The following MAF variants were observed in gnomAD, a reference collection of about 807,000 sequenced individuals.
MAF encodes transcription factor Maf.
Under a neutral mutation model 22.0 loss-of-function variants are expected in MAF, and 10 were observed. That is an observed-to-expected ratio of 0.45 (90% CI 0.28 to 0.77). The LOEUF is 0.77. MAF is among the 30% of genes least tolerant of loss of function. The probability of loss-of-function intolerance (pLI) is 0.12; values close to 1 mark genes in which losing one functional copy is unlikely to be tolerated. For missense variants in MAF, 544 were observed against 548.4 expected (o/e 0.99, Z 0.08); for synonymous variants, 337 against 255.8 (o/e 1.32, Z -3.03).
At chr16:79,519,270 C>A in the MAF span, among the ~76,000 whole-genome samples, 3 of 152,252 alleles carry the variant, frequency 2.0e-5, no homozygotes, top group East Asian at 1.9e-4. Context: ...CCTCAGAGAT[C>A]TCTGAAGATA....
At chr16:79,216,901 C>T in the MAF span, among the ~76,000 whole-genome samples, 10 of 152,030 alleles carry the variant, frequency 6.6e-5, no homozygotes, top group East Asian at 1.4e-3. Flanking sequence ...CAGCCACCTC[C>T]GGGGTTCAAG....
At chr16:79,464,056 T>C in the MAF span, among the ~76,000 whole-genome samples, 1 of 152,088 alleles carries the variant, frequency 6.6e-6, no homozygotes, top group South Asian at 2.1e-4. Context: ...GAGCAGATGA[T>C]GCAACTCGAA....
At chr16:79,563,290 A>G in the MAF span, among the ~76,000 whole-genome samples, 1 of 152,220 alleles carries the variant, frequency 6.6e-6, no homozygotes, top group Non-Finnish European at 1.5e-5. Flanking sequence ...GTTACAGAAC[A>G]CTGGCAATGT....
the MAF span, among the ~76,000 whole-genome samples, chr16:79,336,171 GTC>G: frequency 4.1e-4 from 63 of 152,332 alleles, no homozygotes; most frequent in African/African-American, 1.5e-3. Context: ...AGCTTCAGGT[GTC>G]TCATCTAAAA....
chr16:79,244,826 G>C, the MAF span, among the ~76,000 whole-genome samples: 1 of 151,948 alleles, frequency 6.6e-6, no homozygotes, highest in East Asian at 1.9e-4. Flanking sequence ...TATACTACAT[G>C]GCTACAGTAA....
the MAF span, among the ~76,000 whole-genome samples, chr16:79,296,463 T>C: frequency 6.6e-6 from 1 of 152,126 alleles, no homozygotes; most frequent in African/African-American, 2.4e-5. Context: ...CAAACTACCA[T>C]GGCATATGTT....
chr16:79,358,450 G>A, the MAF span, among the ~76,000 whole-genome samples: 2 of 152,124 alleles, frequency 1.3e-5, no homozygotes, highest in African/African-American at 4.8e-5. Context: ...TCATTTGGGA[G>A]AAGGCAGCCC....
chr16:79,223,456 G>C, the MAF span, among the ~76,000 whole-genome samples: 1 of 152,162 alleles, frequency 6.6e-6, no homozygotes, highest in African/African-American at 2.4e-5. Context: ...AAAAGAACTA[G>C]AGAAGCAAGA....
the MAF span, among the ~76,000 whole-genome samples, chr16:79,440,357 G>A: frequency 1.5e-4 from 23 of 152,258 alleles, no homozygotes; most frequent in Non-Finnish European, 2.6e-4. Flanking sequence ...CTAGCGCACA[G>A]TAGGTACACA....
the MAF span, among the ~76,000 whole-genome samples, chr16:79,555,101 G>A: frequency 1.3e-5 from 2 of 152,142 alleles, no homozygotes; most frequent in Non-Finnish European, 2.9e-5. Context: ...CTGACCTAAG[G>A]CTCTGTCTGG....
the MAF span, among the ~76,000 whole-genome samples, chr16:79,278,954 G>A: frequency 6.6e-6 from 1 of 152,124 alleles, no homozygotes; most frequent in Non-Finnish European, 1.5e-5. Flanking sequence ...TGGAGGAGGA[G>A]GAATTCAGAA....
chr16:79,211,046 TGTGTGTGTGTGC>T, the MAF span, among the ~76,000 whole-genome samples: 1 of 151,888 alleles, frequency 6.6e-6, no homozygotes, highest in African/African-American at 2.4e-5. Flanking sequence ...TGTGTGTGTG[TGTGTGTGTGTGC>T]ATTAAATGTT....
chr16:79,572,980 A>G, the MAF span, among the ~76,000 whole-genome samples: 16,666 of 152,218 alleles, frequency 0.11, 1,155 homozygotes, highest in East Asian at 0.26. Context: ...CAATCATTCT[A>G]TGTTCTAGCC....
At chr16:79,368,581 G>A in the MAF span, among the ~76,000 whole-genome samples, 1 of 152,120 alleles carries the variant, frequency 6.6e-6, no homozygotes, top group Non-Finnish European at 1.5e-5. Flanking sequence ...CTTTCTCAGA[G>A]TAAATGTTGA....
chr16:79,371,291 C>T, the MAF span, among the ~76,000 whole-genome samples: 1 of 152,076 alleles, frequency 6.6e-6, no homozygotes, highest in African/African-American at 2.4e-5. Flanking sequence ...AGTGACCCTC[C>T]CTTGAGGTCA....
At chr16:79,235,669 G>C in the MAF span, among the ~76,000 whole-genome samples, 2 of 152,052 alleles carry the variant, frequency 1.3e-5, no homozygotes, top group African/African-American at 2.4e-5. Flanking sequence ...GTAATAGAAG[G>C]AGAAATTAAT....
chr16:79,317,319 CTTTTG>C, the MAF span, among the ~76,000 whole-genome samples: 7 of 140,406 alleles, frequency 5.0e-5, no homozygotes, highest in East Asian at 2.4e-4. Flanking sequence ...ATCTCTCATT[CTTTTG>C]TTTTATTTTC....
downstream of MAF, among the ~76,000 whole-genome samples, chr16:79,592,942 T>C (rs1913269019): frequency 6.6e-6 from 1 of 152,176 alleles, no homozygotes; most frequent in Admixed American, 6.5e-5. Context: ...TAGTGAATGT[T>C]TATATTAGCA....
the MAF span, among the ~76,000 whole-genome samples, chr16:79,240,132 T>C: frequency 6.6e-6 from 1 of 151,708 alleles, no homozygotes. Context: ...GGGTTTAGGG[T>C]CCCATGGCGG....
Sources: allele counts gnomAD v4.1 joint callset (sites outside exome capture counted in the v4.1 genomes callset), GRCh38; gene constraint gnomAD v4.1.1; transcripts MANE v1.5; gene names NCBI Gene and HGNC (gene_info 2026-07-23, HGNC 2026-07-21).